HHAT: variants seen among roughly 807,000 people sequenced by gnomAD.
HHAT encodes the protein protein-cysteine N-palmitoyltransferase HHAT.
In HHAT, 47 loss-of-function variants were observed where a neutral mutation model predicts 70.8. That is an observed-to-expected ratio of 0.66 (90% CI 0.53 to 0.85). The LOEUF is 0.85. Ranked by LOEUF, HHAT falls within the 40% of genes least tolerant of loss-of-function variation. The probability of loss-of-function intolerance (pLI) is 0.00; values close to 1 mark genes in which losing one functional copy is unlikely to be tolerated. For missense variants in HHAT, 609 were observed against 604.8 expected (o/e 1.01, Z -0.07); for synonymous variants, 228 against 247.6 (o/e 0.92, Z 0.74).
intron 10 of HHAT, among the ~76,000 whole-genome samples, chr1:210,603,969 G>A (rs1485609087): frequency 1.3e-5 from 2 of 152,182 alleles, no homozygotes; most frequent in Non-Finnish European, 1.5e-5. Context: ...TGGAGTAATT[G>A]CTGGAACAGA....
chr1:210,391,380 A>G (rs1009837839), intron 4 of HHAT, among the ~76,000 whole-genome samples: 4 of 152,190 alleles, frequency 2.6e-5, no homozygotes, highest in Admixed American at 1.3e-4. Flanking sequence ...AGATTTTTTT[A>G]TACAAGACAC....
At chr1:210,434,528 C>A (rs1186487178) in intron 7 of HHAT, among the ~76,000 whole-genome samples, 1 of 151,766 alleles carries the variant, frequency 6.6e-6, no homozygotes, top group Non-Finnish European at 1.5e-5. Flanking sequence ...ATACCACAGA[C>A]TGGACACCTT....
intron 9 of HHAT, among the ~76,000 whole-genome samples, chr1:210,539,308 C>T (rs2095405980): frequency 6.6e-6 from 1 of 152,126 alleles, no homozygotes; most frequent in Admixed American, 6.5e-5. Flanking sequence ...AATTTTATAT[C>T]CAGTTAAATT....
chr1:210,344,566 C>T (rs1389760370), intron 1 of HHAT, among the ~76,000 whole-genome samples: 1 of 152,082 alleles, frequency 6.6e-6, no homozygotes, highest in African/African-American at 2.4e-5. Flanking sequence ...GAATCTAGTC[C>T]CTTTTAAAGG....
chr1:210,673,971 T>TTA (rs1680701574), intron 11 of HHAT, among the ~76,000 whole-genome samples: 1 of 145,196 alleles, frequency 6.9e-6, no homozygotes, highest in Non-Finnish European at 1.5e-5. Flanking sequence ...TTTTTTTTTT[T>TTA]ATTATACTTT....
intron 8 of HHAT, among the ~76,000 whole-genome samples, chr1:210,492,128 C>T (rs1447473994): frequency 6.6e-6 from 1 of 152,142 alleles, no homozygotes; most frequent in Non-Finnish European, 1.5e-5. Flanking sequence ...TACCCACCTG[C>T]ATCCTCTACA....
chr1:210,345,002 T>A (rs2086389519), intron 1 of HHAT, among the ~76,000 whole-genome samples: 2 of 152,166 alleles, frequency 1.3e-5, no homozygotes, highest in African/African-American at 4.8e-5. Context: ...TGCTTGGAAA[T>A]TTGAAGTGGT....
chr1:210,372,089 G>C (rs772795820), intron 3 of HHAT, among the ~76,000 whole-genome samples: 1 of 152,214 alleles, frequency 6.6e-6, no homozygotes, highest in Non-Finnish European at 1.5e-5. Flanking sequence ...GACACCCCTA[G>C]CTTTAATATG....
intron 10 of HHAT, among the ~76,000 whole-genome samples, chr1:210,618,194 C>T (rs571843891): frequency 6.6e-6 from 1 of 152,228 alleles, no homozygotes; most frequent in Admixed American, 6.5e-5. Context: ...GGGACATGGG[C>T]CTTGGAATGA....
intron 9 of HHAT, among the ~76,000 whole-genome samples, chr1:210,529,363 T>G (rs889296599): frequency 2.0e-5 from 3 of 150,700 alleles, no homozygotes; most frequent in Admixed American, 6.6e-5. Flanking sequence ...GTTAAGCTGA[T>G]GTACATCAGA....
intron 1 of HHAT, among the ~76,000 whole-genome samples, chr1:210,346,341 C>T (rs115956854): frequency 5.9e-5 from 9 of 151,986 alleles, no homozygotes; most frequent in Admixed American, 2.0e-4. Flanking sequence ...TTTTGACAGG[C>T]GAGACATTAA....
At chr1:210,449,375 T>C (rs574165710) in intron 7 of HHAT, among the ~76,000 whole-genome samples, 1 of 152,310 alleles carries the variant, frequency 6.6e-6, no homozygotes, top group Non-Finnish European at 1.5e-5. Flanking sequence ...TATAAAGTCG[T>C]GCTTCGTGGC....
chr1:210,638,759 G>A (rs1021343186), intron 11 of HHAT, among the ~76,000 whole-genome samples: 6 of 145,610 alleles, frequency 4.1e-5, no homozygotes, highest in Non-Finnish European at 9.1e-5. Flanking sequence ...CTTTTAAATA[G>A]CCAGGTGTGG....
intron 9 of HHAT, among the ~76,000 whole-genome samples, chr1:210,549,377 A>G (rs2095510136): frequency 6.7e-6 from 1 of 148,724 alleles, no homozygotes; most frequent in Non-Finnish European, 1.5e-5. Flanking sequence ...GGATTGGCAG[A>G]GTGTGGTATT....
chr1:210,455,966 G>T (rs2093857133), intron 7 of HHAT, among the ~76,000 whole-genome samples: 1 of 152,158 alleles, frequency 6.6e-6, no homozygotes, highest in Admixed American at 6.5e-5. Flanking sequence ...CGCCTGAAGG[G>T]TGTGTAGATC....
intron 11 of HHAT, among the ~76,000 whole-genome samples, chr1:210,652,808 G>C (rs1342371455): frequency 1.3e-5 from 2 of 152,196 alleles, no homozygotes; most frequent in East Asian, 3.9e-4. Flanking sequence ...AATGCAAATT[G>C]AAAGTAGGAC....
Position 210,357,702 on chromosome 1 carries a change from C to T in HHAT, c.92-5150C>T, listed in dbSNP as rs551759708. Among the ~76,000 whole-genome samples, 310 of 152,300 alleles carry T rather than the reference C, an allele frequency of 2.0e-3. 1 individual carries two copies. Among genetic ancestry groups the T allele is most frequent in the African/African-American group, 7.1e-3 (297 of 41,558 alleles). ...GGGTGTGGTGGCGGGCGCCTGTAGT[C>T]CCAGCTACTTGGGAGGCTGAGGCAG... On this transcript the variant is annotated intron_variant, in intron 2 of 11. Transcript: ENST00000261458.
chr1:210,543,938 T>C (rs1305752585), intron 9 of HHAT, among the ~76,000 whole-genome samples: 2 of 152,098 alleles, frequency 1.3e-5, no homozygotes, highest in African/African-American at 4.8e-5. Context: ...TTCCACATAA[T>C]CTAGATAGCT....
intron 8 of HHAT, among the ~76,000 whole-genome samples, chr1:210,479,851 T>G (rs2094365165): frequency 6.6e-6 from 1 of 152,194 alleles, no homozygotes; most frequent in African/African-American, 2.4e-5. Context: ...TTAAGGGAGT[T>G]ATGTAATGAT....
Sources: gnomAD v4.1 joint callset for allele counts (sites outside exome capture counted in the v4.1 genomes callset) on GRCh38, gnomAD v4.1.1 for gene constraint, MANE v1.5 for transcripts, NCBI Gene and HGNC (gene_info 2026-07-23, HGNC 2026-07-21) for gene names.